The following RAB11FIP5 variants were observed in gnomAD, a reference collection of about 807,000 sequenced individuals.
RAB11FIP5 encodes RAB11 family interacting protein 5.
In RAB11FIP5, 48 loss-of-function variants were observed where a neutral mutation model predicts 85.1. That is an observed-to-expected ratio of 0.56 (90% CI 0.45 to 0.72). RAB11FIP5 has a LOEUF of 0.72. RAB11FIP5 is among the 30% of genes least tolerant of loss of function. The probability of loss-of-function intolerance (pLI) is 0.00; values close to 1 mark genes in which losing one functional copy is unlikely to be tolerated. For missense variants in RAB11FIP5, 1,491 were observed against 1,687.0 expected, an observed-to-expected ratio of 0.88 and a Z score of 2.04; for synonymous variants, 729 against 727.3, an observed-to-expected ratio of 1.00 and a Z score of -0.04.
At chr2:73,090,596 A>C (rs1019453138) in intron 1 of RAB11FIP5, among the ~76,000 whole-genome samples, 11 of 152,246 alleles carry the variant, frequency 7.2e-5, no homozygotes, top group African/African-American at 2.4e-4. Flanking sequence ...CAAGCCATGA[A>C]CAGACACGGA....
chr2:73,089,207 C>T lies in RAB11FIP5; in HGVS notation c.540G>A (p.Leu180=). ...RNNLSASMFD[L]SMKDKPRSPF... is the part of the protein sequence containing the mutation. Reference sequence around the variant, plus strand: ...GAGACCTTGGCTTGTCCTTCATGGACAGGTCAAACATACTGGCGCTCAGGT... The same window carrying T: ...GAGACCTTGGCTTGTCCTTCATGGATAGGTCAAACATACTGGCGCTCAGGT... Residue 180 remains leucine (L), a synonymous_variant, in exon 2 of 6, where the codon CTG becomes CTA. Transcript: ENST00000486777. The surrounding 1 kb of genome is among the most constrained non-coding windows in gnomAD (Gnocchi z 4.6). 1 of 1,614,180 alleles carries T rather than the reference C, an allele frequency of 6.2e-7. No individual in the cohort carries two copies. Among genetic ancestry groups the T allele is most frequent in the East Asian group, 2.2e-5 (1 of 44,880 alleles).
rs1279190476 is a variant in RAB11FIP5, at chr2:73,078,037, A to C, written c.3581+1614T>G. Among the ~76,000 whole-genome samples the C allele has an allele frequency of 1.3e-5, 2 of 152,202 alleles. No homozygotes were observed. Among genetic ancestry groups the C allele is most frequent in the African/African-American group, 4.8e-5 (2 of 41,444 alleles). On this transcript the variant is annotated intron_variant, in intron 4 of 5. Transcript: ENST00000486777. The surrounding 1 kb of genome is among the most constrained non-coding windows in gnomAD (Gnocchi z 4.4). Reference sequence around the variant, plus strand: ...GGCAGAGCACCCATGCTCTGGGCAGACAGTATGGAGAAAGAATGCATCTCA... The same window carrying C: ...GGCAGAGCACCCATGCTCTGGGCAGCCAGTATGGAGAAAGAATGCATCTCA...
Position 73,076,033 on chromosome 2 carries a change from G to A in RAB11FIP5, c.3731C>T (p.Ala1244Val), listed in dbSNP as rs1683853634. 11 of 1,614,042 alleles carry A rather than the reference G, an allele frequency of 6.8e-6. No homozygotes were observed. Among genetic ancestry groups the A allele is most frequent in the Non-Finnish European group, 9.3e-6 (11 of 1,179,898 alleles). ...TSGSIQPVTQ[A>V]PQAGQMVDTK... is the part of the protein sequence containing the mutation. ...GTCCACCATCTGGCCAGCCTGGGGG[G>A]CCTGGGTCACAGGCTGAATGCTCCC... The change falls in exon 5 of 6, where the codon GCC (alanine) becomes GTC (valine). Residue 1244 changes from alanine (A) to valine (V), a missense_variant. Ala to Val is a moderately conservative substitution (Grantham distance 64). This residue lies in a region of RAB11FIP5 where 232 missense variants were observed against 259.1 expected (regional missense o/e 0.90). Coordinates refer to ENST00000486777, the MANE Select transcript of RAB11FIP5 (RefSeq NM_001371272.1).
At chr2:73,076,685 T>C (rs1214518586) in intron 4 of RAB11FIP5, among the ~76,000 whole-genome samples, 3 of 152,174 alleles carry the variant, frequency 2.0e-5, no homozygotes, top group African/African-American at 7.2e-5. Flanking sequence ...TCTCTAGGGG[T>C]TGCTTCCCAT....
At chr2:73,083,398 C>T (rs975089226) in intron 3 of RAB11FIP5, among the ~76,000 whole-genome samples, 1 of 152,154 alleles carries the variant, frequency 6.6e-6, no homozygotes, top group African/African-American at 2.4e-5. Flanking sequence ...CTCACAGGTC[C>T]CAAACCCAGG....
chr2:73,102,824 A>G (rs1291359298), intron 1 of RAB11FIP5, among the ~76,000 whole-genome samples: 1 of 152,232 alleles, frequency 6.6e-6, no homozygotes, highest in Non-Finnish European at 1.5e-5. Context: ...GGAAGATGGG[A>G]GACCTAGGTT....
At chr2:73,076,298 T>C in intron 4 of RAB11FIP5, 116 bp from the exon 5 acceptor site, 1 of 1,003,088 alleles carries the variant, frequency 1.0e-6, no homozygotes, top group Non-Finnish European at 1.5e-6. Flanking sequence ...CAGCACTGGG[T>C]GGTAGCTGCC....
intron 2 of RAB11FIP5, 48 bp from the exon 3 acceptor site, chr2:73,088,797 T>A: frequency 6.5e-7 from 1 of 1,539,452 alleles, no homozygotes; most frequent in Non-Finnish European, 8.7e-7. Context: ...GAGGCCCCAT[T>A]TCCTGGCCCC....
rs549085009 is a variant in RAB11FIP5 at position 73,086,729 on chromosome 2, T to C, written c.1568+1321A>G. Among the ~76,000 whole-genome samples, 1 of 152,262 alleles carries C rather than the reference T, an allele frequency of 6.6e-6. No homozygotes were observed. Among genetic ancestry groups the C allele is most frequent in the African/African-American group, 2.4e-5 (1 of 41,548 alleles). ...CATCTGGGAAAGGCCTGTCCCCTTC[T>C]TCCCAATCTTCCCCTAGGCCGCAGA... is the stretch of plus-strand genomic sequence containing the variant. On this transcript the variant is annotated intron_variant, in intron 3 of 5. Transcript: ENST00000486777. The surrounding 1 kb of genome is among the most constrained non-coding windows in gnomAD (Gnocchi z 4.4).
At chr2:73,105,534 C>T (rs1684507781) in intron 1 of RAB11FIP5, among the ~76,000 whole-genome samples, 1 of 151,978 alleles carries the variant, frequency 6.6e-6, no homozygotes, top group African/African-American at 2.4e-5. Context: ...TGAGCCACCA[C>T]ACCCAGCCCT....
intron 1 of RAB11FIP5, among the ~76,000 whole-genome samples, chr2:73,092,678 A>C (rs187665229): frequency 3.3e-5 from 5 of 152,170 alleles, no homozygotes; most frequent in Admixed American, 3.3e-4. Context: ...CCCCACAGGG[A>C]ATTTGGGTTT....
chr2:73,085,014 C>T (rs150071662), intron 3 of RAB11FIP5, among the ~76,000 whole-genome samples: 3 of 152,146 alleles, frequency 2.0e-5, no homozygotes, highest in African/African-American at 4.8e-5. Context: ...GTAGGGAGAA[C>T]GTATCATTTA....
At chr2:73,094,120 CAAAAAAAAAAA>C (rs550613252) in intron 1 of RAB11FIP5, among the ~76,000 whole-genome samples, 4 of 84,670 alleles carry the variant, frequency 4.7e-5, no homozygotes, top group African/African-American at 7.4e-5. Flanking sequence ...GACTTTGTCT[CAAAAAAAAAAA>C]AAAAAAAAAA....
In RAB11FIP5 at chr2:73,081,234, G is replaced by T; in HGVS notation, c.1998C>A (p.Ser666Arg). ...CCACTCCTGCAGGGGCCAGGATCTC[G>T]CTCCTGGCCTCTGGACGCAGCCTGC... ...AASRLRPEAR[S>R]EILAPAGVGL... The change falls in exon 4 of 6, where the codon AGC becomes AGA. Residue 666 changes from serine to arginine, a missense_variant. By Grantham distance (110) the Ser-to-Arg change is moderately radical (BLOSUM62 -1). Coordinates refer to ENST00000486777, the MANE Select transcript of RAB11FIP5 (RefSeq NM_001371272.1). This position sits in a 1 kb window ranked among gnomAD's most constrained non-coding sequence, Gnocchi z 4.2. 8.1e-7 allele frequency: 1 copy of T among 1,232,294 alleles called. No homozygotes were observed. The highest frequency in any genetic ancestry group is 1.0e-6 in the Non-Finnish European group (1 of 988,130). 76.3% of individuals were successfully genotyped at this position (1,232,294 alleles called of 1,614,324 possible).
In RAB11FIP5 at chr2:73,080,826, C is replaced by T. The variant is rs140694247; in HGVS notation, c.2406G>A (p.Pro802=). The T allele has an allele frequency of 1.1e-5, 14 of 1,232,326 alleles. No individual in the cohort carries two copies. The African/African-American group carries it at 1.7e-4, about 15-fold the overall frequency. 76.3% of individuals were successfully genotyped at this position (1,232,326 alleles called of 1,614,324 possible). A position where few individuals can be genotyped will look rare whatever the true frequency, so the allele number is the denominator to read the frequency against. The change falls in exon 4 of 6, where the codon CCG becomes CCA. Residue 802 remains proline, a synonymous_variant. Transcript: ENST00000486777. ...GGCCCTCAGCAGCGCTCTCTGGGCC[C>T]GGCAGCCTCTCCCACACACTGATCA... ...PEVISVWERL[P]GPESAAEGQD...
In RAB11FIP5 at chr2:73,088,274, T is replaced by G; in HGVS notation, c.1344A>C (p.Ala448=). The stretch of plus-strand genomic sequence containing the variant: ...CCTCCTTCCGGGCTCCCTCCTTCTC[T>G]GCCACAGCCTCAGAGGAGGCCACTA... ...TPIVASSEAV[A]EKEGARKEER... Residue 448 remains alanine, a synonymous_variant, in exon 3 of 6, where the codon GCA becomes GCC. Transcript: ENST00000486777. 1 of 1,613,970 alleles carries G rather than the reference T, an allele frequency of 6.2e-7. No homozygotes were observed. Among genetic ancestry groups the G allele is most frequent in the Admixed American group, 1.7e-5 (1 of 60,032 alleles).
At chr2:73,077,362 C>T (rs1208457829) in intron 4 of RAB11FIP5, among the ~76,000 whole-genome samples, 2 of 152,192 alleles carry the variant, frequency 1.3e-5, no homozygotes, top group Non-Finnish European at 2.9e-5. Flanking sequence ...ACCTTCCTAC[C>T]TTCTCAAGCC....
intron 1 of RAB11FIP5, among the ~76,000 whole-genome samples, chr2:73,110,945 G>C (rs932874566): frequency 6.6e-6 from 1 of 152,102 alleles, no homozygotes; most frequent in Non-Finnish European, 1.5e-5. Flanking sequence ...ATCCAGGAGA[G>C]AGCTTTTCGC....
intron 1 of RAB11FIP5, among the ~76,000 whole-genome samples, chr2:73,099,747 A>G (rs2106119590): frequency 6.6e-6 from 1 of 152,296 alleles, no homozygotes. Flanking sequence ...TCATGCCCCC[A>G]ACATCACAGT....
Sources: allele counts gnomAD v4.1 joint callset (sites outside exome capture counted in the v4.1 genomes callset), GRCh38; gene constraint gnomAD v4.1.1; regional missense constraint gnomAD v4.1.1; non-coding constraint Gnocchi (gnomAD v3.1); transcripts MANE v1.5; gene names NCBI Gene and HGNC (gene_info 2026-07-23, HGNC 2026-07-21).